PIP5K1C: variants seen among roughly 807,000 people sequenced by gnomAD.
PIP5K1C encodes the protein phosphatidylinositol-4-phosphate 5-kinase type 1 gamma.
Under a neutral mutation model 80.1 loss-of-function variants are expected in PIP5K1C, and 45 were observed. The observed-to-expected ratio is 0.56, with a 90% CI of 0.44 to 0.72. The LOEUF (loss-of-function observed/expected upper bound fraction) is 0.72, where lower values mean the gene tolerates loss of function less well. Ranked by LOEUF, PIP5K1C falls within the 30% of genes least tolerant of loss-of-function variation. The pLI, the probability that PIP5K1C is intolerant of heterozygous loss-of-function variation, is 0.00. For synonymous variants in PIP5K1C, 498 were observed against 420.1 expected, an observed-to-expected ratio of 1.19 and a Z score of -2.27; for missense variants, 753 against 954.6, an observed-to-expected ratio of 0.79 and a Z score of 2.78.
chr19:3,637,154 C>G lies in PIP5K1C; in HGVS notation c.1920+1730G>C. ...CCTGTGCAGCCAGCGGGGCCACGGG[C>G]AGCCAGGTCTGCACGAGTGAGAAGC... is the stretch of plus-strand genomic sequence containing the variant. On this transcript the variant is annotated intron_variant, in intron 16 of 17. Coordinates refer to ENST00000335312, the MANE Select transcript of PIP5K1C (RefSeq NM_012398.3). This position sits in a 1 kb window ranked among gnomAD's most constrained non-coding sequence, Gnocchi z 7.0. 7.8e-6 allele frequency: 11 copies of G among 1,407,070 alleles called. No individual in the cohort carries two copies. The highest frequency in any genetic ancestry group is 1.0e-5 in the Non-Finnish European group (11 of 1,082,364). The allele number at this position is 1,407,070 out of a possible 1,614,324, so 87.2% of individuals were successfully genotyped here.
intron 1 of PIP5K1C, among the ~76,000 whole-genome samples, chr19:3,676,263 A>T (rs1240606250): frequency 6.6e-6 from 1 of 152,108 alleles, no homozygotes; most frequent in Non-Finnish European, 1.5e-5. Context: ...GAGAGATGTG[A>T]ACTCAGGTAC....
intron 16 of PIP5K1C, 47 bp from the exon 17 acceptor site, chr19:3,633,567 G>T: frequency 7.5e-7 from 1 of 1,324,954 alleles, no homozygotes; most frequent in African/African-American, 1.5e-5. Context: ...AGCAGGGTGC[G>T]AGGAGGTGCA....
In PIP5K1C at chr19:3,632,935, G is replaced by C; in HGVS notation, c.*232C>G. ...AATAAGGACTCAAATGCGATTGGCC[G>C]CTCGGGAGGGTGGGTCTCACAGGGG... On this transcript the variant is annotated 3_prime_UTR_variant, in exon 18 of 18. Transcript: ENST00000335312. 1.9e-6 allele frequency: 1 copy of C among 528,106 alleles called. No individual in the cohort carries two copies. The highest frequency in any genetic ancestry group is 3.3e-6 in the Non-Finnish European group (1 of 298,854). The allele number at this position is 528,106 out of a possible 1,614,324, so 32.7% of individuals were successfully genotyped here.
At chr19:3,652,204 G>A (rs1291753229) in intron 7 of PIP5K1C, among the ~76,000 whole-genome samples, 173 bp from the exon 8 acceptor site, 1 of 152,216 alleles carries the variant, frequency 6.6e-6, no homozygotes, top group African/African-American at 2.4e-5. Context: ...AGGAACAGAG[G>A]GGCTGCGGTC....
chr19:3,638,797 G>T, intron 16 of PIP5K1C, 87 bp downstream of exon 16: 2 of 1,546,080 alleles, frequency 1.3e-6, no homozygotes, highest in African/African-American at 1.4e-5. Context: ...GTGTGCAGGT[G>T]TGTGTATGCG....
chr19:3,666,194 G>A (rs920744130), intron 2 of PIP5K1C, among the ~76,000 whole-genome samples: 1 of 152,220 alleles, frequency 6.6e-6, no homozygotes, highest in Non-Finnish European at 1.5e-5. Flanking sequence ...GGCCAAGGGT[G>A]GCCCAGGTGG....
At chr19:3,634,206 G>A (rs568141156) in intron 16 of PIP5K1C, among the ~76,000 whole-genome samples, 10 of 152,062 alleles carry the variant, frequency 6.6e-5, no homozygotes, top group East Asian at 1.9e-4. Flanking sequence ...CTGTGCCTGC[G>A]TGAGGGGTCC....
chr19:3,642,924 C>T lies in PIP5K1C; in HGVS notation c.1665G>A (p.Ser555=), dbSNP rs201798451. ...GGTCTCACCTGCCATCCTGTCCAGACGACTGTGTGCGCCGCCTGCAGAGAT... is the reference window on the plus strand; with the variant it reads ...GGTCTCACCTGCCATCCTGTCCAGATGACTGTGTGCGCCGCCTGCAGAGAT... The part of the protein sequence containing the change: ...EQPRYRRRTQ[S]SGQDGRPQEE... Residue 555 remains serine, a synonymous_variant, in exon 14 of 18, where the codon TCG becomes TCA. Transcript: ENST00000335312. The T allele has an allele frequency of 9.9e-6, 16 of 1,613,486 alleles. 1 individual carries two copies. The Admixed American group carries it at 1.7e-4, about 17-fold the overall frequency.
chr19:3,644,446 C>T (rs2034124792), intron 11 of PIP5K1C, among the ~76,000 whole-genome samples, 195 bp from the exon 12 acceptor site: 1 of 152,204 alleles, frequency 6.6e-6, no homozygotes, highest in African/African-American at 2.4e-5. Context: ...GCCCGAGTTC[C>T]CTGTCCTGCC....
rs2034465397 is a variant in PIP5K1C at position 3,651,906 on chromosome 19, G to A, written c.1047C>T (p.Gly349=). 3 of 1,612,826 alleles carry A rather than the reference G, an allele frequency of 1.9e-6. No homozygotes were observed. The highest frequency in any genetic ancestry group is 2.5e-6 in the Non-Finnish European group (3 of 1,179,932). The change falls in exon 8 of 18, where the codon GGC becomes GGT. Residue 349 remains glycine, a synonymous_variant. Transcript: ENST00000335312. The stretch of plus-strand genomic sequence containing the variant: ...TGGCCGTGGAGTAGAGCGCCTTCTG[G>A]CCCACAGGCCGCTTCTCATCTGAGG... ...QSTSDEKRPV[G]QKALYSTAME... is the part of the protein sequence containing the mutation.
At chr19:3,680,775 G>A (rs1190903268) in intron 1 of PIP5K1C, among the ~76,000 whole-genome samples, 1 of 152,244 alleles carries the variant, frequency 6.6e-6, no homozygotes. Flanking sequence ...GCGGAGGCCA[G>A]GATCTCCTCT....
chr19:3,646,175 G>A (rs1438875646), intron 10 of PIP5K1C, 117 bp from the exon 11 acceptor site: 17 of 715,466 alleles, frequency 2.4e-5, no homozygotes, highest in Admixed American at 1.4e-4. Flanking sequence ...GAAAAGGCTC[G>A]AGATGGGTCC....
rs765698984 is a variant in PIP5K1C at position 3,648,756 on chromosome 19, C to A, written c.1128-48G>T. 1.9e-6 allele frequency: 3 copies of A among 1,545,436 alleles called. No homozygotes were observed. Among genetic ancestry groups the A allele is most frequent in the East Asian group, 2.2e-5 (1 of 44,546 alleles). On this transcript the variant is annotated intron_variant, in intron 8 of 17. Transcript: ENST00000335312. This position sits in a 1 kb window ranked among gnomAD's most constrained non-coding sequence, Gnocchi z 4.3. ...CCATCAGCATCCCGCAGAGCTGGGA[C>A]TCGGGGCAGGCGGGGCTGGGGACTC...
At chr19:3,670,784 T>C (rs1291804257) in intron 1 of PIP5K1C, among the ~76,000 whole-genome samples, 2 of 151,660 alleles carry the variant, frequency 1.3e-5, no homozygotes, top group Non-Finnish European at 3.0e-5. Context: ...CCTGGAGGGA[T>C]CTGGGGGACA....
chr19:3,671,837 G>A (rs1568344474), intron 1 of PIP5K1C, among the ~76,000 whole-genome samples: 1 of 152,252 alleles, frequency 6.6e-6, no homozygotes, highest in Non-Finnish European at 1.5e-5. Flanking sequence ...ACCCCCATAG[G>A]GGGCTGTCAT....
intron 3 of PIP5K1C, among the ~76,000 whole-genome samples, chr19:3,664,350 G>A (rs949973175): frequency 1.3e-5 from 2 of 152,020 alleles, no homozygotes; most frequent in African/African-American, 2.4e-5. Context: ...AGGCTGAATT[G>A]TACAGTATAT....
chr19:3,648,590 C>T lies in PIP5K1C; in HGVS notation c.1211+35G>A, dbSNP rs769483294. ...CACCTGTGGGACTGCAGACCCGGGGCGTCCACCTGTAGGACTGCAGACCCG... is the reference window on the plus strand; with the variant it reads ...CACCTGTGGGACTGCAGACCCGGGGTGTCCACCTGTAGGACTGCAGACCCG... On this transcript the variant is annotated intron_variant, in intron 9 of 17. Transcript: ENST00000335312. The surrounding 1 kb of genome is among the most constrained non-coding windows in gnomAD (Gnocchi z 4.3). 6 of 1,571,472 alleles carry T rather than the reference C, an allele frequency of 3.8e-6. No homozygotes were observed. Among genetic ancestry groups the T allele is most frequent in the South Asian group, 3.4e-5 (3 of 89,392 alleles).
Position 3,692,146 on chromosome 19 carries a change from A to C in PIP5K1C, c.94+8151T>G, listed in dbSNP as rs2035969711. Among the ~76,000 whole-genome samples, 1 of 152,194 alleles carries C rather than the reference A, an allele frequency of 6.6e-6. No homozygotes were observed. The highest frequency in any genetic ancestry group is 2.4e-5 in the African/African-American group (1 of 41,438). ...GCCTTTTGTGTGCATTGACTCATCTAATCCTCAAGGGACATTGCTTTCCAA... is the reference window on the plus strand; with the variant it reads ...GCCTTTTGTGTGCATTGACTCATCTCATCCTCAAGGGACATTGCTTTCCAA... On this transcript the variant is annotated intron_variant, in intron 1 of 17. Transcript: ENST00000335312. This position sits in a 1 kb window ranked among gnomAD's most constrained non-coding sequence, Gnocchi z 5.2.
Position 3,638,961 on chromosome 19 carries a change from G to T in PIP5K1C, c.1843C>A (p.Gln615Lys). ...SAAVEVETAS[Q>K]ASDEEGAPAS... ...GGTGCGCCCTCCTCGTCTGAGGCCT[G>T]GCTGGCAGTTTCTACTTCAACAGCA... Residue 615 changes from glutamine (Q) to lysine (K), a missense_variant, in exon 16 of 18, where the codon CAG (glutamine) becomes AAG (lysine). By Grantham distance (53) the Gln-to-Lys change is moderately conservative (BLOSUM62 1). This residue lies in a region of PIP5K1C where 315 missense variants were observed against 294.5 expected (regional missense o/e 1.07). Coordinates refer to ENST00000335312, the MANE Select transcript of PIP5K1C (RefSeq NM_012398.3). 6.2e-7 allele frequency: 1 copy of T among 1,612,278 alleles called. No homozygotes were observed. The highest frequency in any genetic ancestry group is 1.1e-5 in the South Asian group (1 of 91,060).
Sources: gnomAD v4.1 joint callset for allele counts (sites outside exome capture counted in the v4.1 genomes callset) on GRCh38, gnomAD v4.1.1 for gene constraint, gnomAD v4.1.1 regional missense constraint, Gnocchi (gnomAD v3.1) non-coding constraint, MANE v1.5 for transcripts, NCBI Gene and HGNC (gene_info 2026-07-23, HGNC 2026-07-21) for gene names.